WDPCP: variants seen among roughly 807,000 people sequenced by gnomAD.
WDPCP encodes WD repeat-containing and planar cell polarity effector protein fritz homolog.
WDPCP carries 71 observed loss-of-function variants against 93.1 expected under a neutral mutation model. The observed-to-expected ratio is 0.76, with a 90% CI of 0.63 to 0.93. The LOEUF is 0.93. Ranked by LOEUF, WDPCP falls within the 40% of genes least tolerant of loss-of-function variation. The pLI is 0.00. For missense variants in WDPCP, 844 were observed against 887.4 expected (o/e 0.95, Z 0.62); for synonymous variants, 315 against 315.0 (o/e 1.00, Z 0.00).
chr2:63,125,220 G>C (rs1669812070), intron 17 of WDPCP, among the ~76,000 whole-genome samples: 1 of 152,122 alleles, frequency 6.6e-6, no homozygotes, highest in African/African-American at 2.4e-5. Context: ...TTGGCTTGAG[G>C]CTTCTGGTAC....
At chr2:63,534,264 C>T (rs780550378) in intron 1 of WDPCP, among the ~76,000 whole-genome samples, 1 of 152,128 alleles carries the variant, frequency 6.6e-6, no homozygotes, top group Non-Finnish European at 1.5e-5. Flanking sequence ...GATTCACAGC[C>T]GAATTCTACC....
At chr2:63,573,835 G>C (rs1364194994) in intron 1 of WDPCP, among the ~76,000 whole-genome samples, 2 of 152,176 alleles carry the variant, frequency 1.3e-5, no homozygotes, top group Non-Finnish European at 1.5e-5. Flanking sequence ...CCCTGAGAAA[G>C]AGAATGCGTC....
chr2:63,783,401 CAG>C (rs1670424439), intron 2 of WDPCP, among the ~76,000 whole-genome samples: 1 of 151,924 alleles, frequency 6.6e-6, no homozygotes, highest in African/African-American at 2.4e-5. Context: ...GTCTGGGAAA[CAG>C]AGGAAGACTC....
chr2:63,535,889 G>C (rs1704238391), intron 1 of WDPCP, among the ~76,000 whole-genome samples: 1 of 152,152 alleles, frequency 6.6e-6, no homozygotes, highest in Admixed American at 6.6e-5. Flanking sequence ...AAGAGCTTCT[G>C]CACAGCAAAA....
At chr2:63,470,883 G>C (rs1303563697) in intron 6 of WDPCP, among the ~76,000 whole-genome samples, 1 of 151,764 alleles carries the variant, frequency 6.6e-6, no homozygotes, top group Non-Finnish European at 1.5e-5. Context: ...TCCCATCTCA[G>C]GGCCTTTGTA....
At chr2:63,271,261 A>G (rs1160531347) in intron 13 of WDPCP, among the ~76,000 whole-genome samples, 1 of 152,248 alleles carries the variant, frequency 6.6e-6, no homozygotes, top group Non-Finnish European at 1.5e-5. Context: ...GCCAATGTGC[A>G]CTTGCACATA....
At chr2:63,739,509 G>A (rs1669685561) in intron 2 of WDPCP, among the ~76,000 whole-genome samples, 1 of 152,074 alleles carries the variant, frequency 6.6e-6, no homozygotes, top group Non-Finnish European at 1.5e-5. Flanking sequence ...TATCTTCATG[G>A]TAGAATGGTT....
intron 1 of WDPCP, among the ~76,000 whole-genome samples, chr2:63,826,810 C>A (rs1456662540): frequency 6.6e-6 from 1 of 152,122 alleles, no homozygotes; most frequent in East Asian, 1.9e-4. Context: ...TAAATCCGTA[C>A]TAACAAATAT....
At chr2:63,586,941 T>G (rs1319214007) in intron 1 of WDPCP, among the ~76,000 whole-genome samples, 2 of 152,258 alleles carry the variant, frequency 1.3e-5, no homozygotes, top group Non-Finnish European at 2.9e-5. Context: ...TTGTTACATA[T>G]GTACGTATAC....
intron 9 of WDPCP, among the ~76,000 whole-genome samples, chr2:63,432,821 AT>A (rs1472280697): frequency 6.6e-6 from 1 of 152,184 alleles, no homozygotes; most frequent in African/African-American, 2.4e-5. Flanking sequence ...CGTTTTAAAA[AT>A]AAGAAAACTA....
intron 17 of WDPCP, among the ~76,000 whole-genome samples, chr2:63,138,538 G>A (rs557372481): frequency 6.7e-6 from 1 of 149,228 alleles, no homozygotes; most frequent in Admixed American, 6.8e-5. Context: ...TGCAGGCTCC[G>A]CTCCCCGGGG....
At chr2:63,308,469 A>G (rs1037133276) in intron 13 of WDPCP, among the ~76,000 whole-genome samples, 46 of 152,236 alleles carry the variant, frequency 3.0e-4, no homozygotes, top group Non-Finnish European at 2.9e-5. Flanking sequence ...CAGTATTCAC[A>G]ATAGCAAAGA....
intron 13 of WDPCP, among the ~76,000 whole-genome samples, chr2:63,274,654 T>G (rs1682939444): frequency 6.6e-6 from 1 of 151,938 alleles, no homozygotes; most frequent in Admixed American, 6.5e-5. Flanking sequence ...ACAGAAAGGA[T>G]CATCTGAGAC....
Position 63,174,776 on chromosome 2 carries a change from A to G in WDPCP, c.1972T>C (p.Ser658Pro), listed in dbSNP as rs772204815. The G allele has an allele frequency of 4.3e-6, 7 of 1,613,876 alleles. No individual in the cohort carries two copies. The highest frequency in any genetic ancestry group is 1.6e-4 in the Middle Eastern group (1 of 6,080). ...GAGTCTTCTCCTTGAGGTGCTAAAG[A>G]CAGGCCAATAAATGCTTCATTTAGC... is the stretch of plus-strand genomic sequence containing the variant. ...DMLNEAFIGL[S>P]LAPQGEDSFP... is the part of the protein sequence containing the mutation. Residue 658 changes from serine (S) to proline (P), a missense_variant, in exon 15 of 18, where the codon TCT (serine) becomes CCT (proline). Ser to Pro is a moderately conservative substitution (Grantham distance 74). Coordinates refer to ENST00000272321, the MANE Select transcript of WDPCP (RefSeq NM_015910.7).
At chr2:63,351,518 A>G (rs1297686025) in intron 12 of WDPCP, among the ~76,000 whole-genome samples, 3 of 152,122 alleles carry the variant, frequency 2.0e-5, no homozygotes, top group African/African-American at 4.8e-5. Context: ...ATAAATGAGA[A>G]TATGTGGCAC....
chr2:63,136,985 T>C (rs1427486176), intron 17 of WDPCP, among the ~76,000 whole-genome samples: 1 of 152,190 alleles, frequency 6.6e-6, no homozygotes, highest in Non-Finnish European at 1.5e-5. Context: ...GTTGACTCCA[T>C]GTCTTTGCTA....
At chr2:63,678,763 C>A (rs1346321793) in intron 2 of WDPCP, among the ~76,000 whole-genome samples, 1 of 152,250 alleles carries the variant, frequency 6.6e-6, no homozygotes, top group Non-Finnish European at 1.5e-5. Flanking sequence ...GGCAGAGAAG[C>A]ACTGGCTTTT....
At chr2:63,587,532 C>A (rs1708943917) in intron 1 of WDPCP, among the ~76,000 whole-genome samples, 1 of 152,138 alleles carries the variant, frequency 6.6e-6, no homozygotes, top group South Asian at 2.1e-4. Context: ...TTATCAGTGA[C>A]AGAGAAAAAA....
At chr2:63,379,339 A>G (rs1692113380) in intron 11 of WDPCP, among the ~76,000 whole-genome samples, 1 of 152,158 alleles carries the variant, frequency 6.6e-6, no homozygotes, top group South Asian at 2.1e-4. Context: ...ACAATTCCTT[A>G]TTTAGCAAAA....
Sources: gnomAD v4.1 joint callset for allele counts (sites outside exome capture counted in the v4.1 genomes callset) on GRCh38, gnomAD v4.1.1 for gene constraint, MANE v1.5 for transcripts, NCBI Gene and HGNC (gene_info 2026-07-23, HGNC 2026-07-21) for gene names.